SKOR2: variants seen among roughly 807,000 people sequenced by gnomAD.
SKOR2 encodes the protein LBX1 corepressor 1-like protein.
In SKOR2, 47 loss-of-function variants were observed where a neutral mutation model predicts 69.1. The ratio of observed to expected loss-of-function variants is 0.68; its 90% CI spans 0.54 to 0.87. SKOR2 has a LOEUF of 0.87. Among genes scored for constraint, SKOR2 ranks in the 40% least tolerant of loss-of-function variants. The probability of loss-of-function intolerance (pLI) is 0.00; values close to 1 mark genes in which losing one functional copy is unlikely to be tolerated. For missense variants in SKOR2, 1,404 were observed against 1,472.2 expected (o/e 0.95, Z 0.76); for synonymous variants, 717 against 672.6 (o/e 1.07, Z -1.02).
intron 6 of SKOR2, among the ~76,000 whole-genome samples, chr18:47,224,320 A>C (rs1038504695): frequency 3.3e-5 from 5 of 152,230 alleles, no homozygotes. Context: ...ATTTTTGGAA[A>C]ATGATAATAC....
rs1298036276 is a variant in SKOR2, at chr18:47,249,109, C to A, written c.75G>T (p.Thr25=). 1.3e-6 allele frequency: 2 copies of A among 1,536,022 alleles called. No homozygotes were observed. The highest frequency in any genetic ancestry group is 2.0e-5 in the Admixed American group (1 of 50,984). ...ASPSSAFQPD[T]LSQPRPGHAN... ...CGTGCCCTGGCCGCGGCTGGCTCAG[C>A]GTGTCGGGCTGGAAGGCGCTCGACG... The change falls in exon 2 of 9, where the codon ACG becomes ACT. Residue 25 remains threonine, a synonymous_variant. Coordinates refer to ENST00000425639, the MANE Select transcript of SKOR2 (RefSeq NM_001278063.4).
At chr18:47,242,997 G>A (rs1288260856) in intron 4 of SKOR2, among the ~76,000 whole-genome samples, 1 of 152,080 alleles carries the variant, frequency 6.6e-6, no homozygotes, top group Non-Finnish European at 1.5e-5. Context: ...TAGGCTTTAC[G>A]GGGGCTTGCT....
chr18:47,209,736 A>G (rs1330683093), intron 8 of SKOR2, among the ~76,000 whole-genome samples: 2 of 152,156 alleles, frequency 1.3e-5, no homozygotes, highest in African/African-American at 2.4e-5. Context: ...AGGTCTGACA[A>G]ACAGGGAAGA....
chr18:47,214,712 G>T (rs1305546822), intron 7 of SKOR2, among the ~76,000 whole-genome samples: 1 of 152,148 alleles, frequency 6.6e-6, no homozygotes, highest in Non-Finnish European at 1.5e-5. Flanking sequence ...AAATAGTGGT[G>T]CCTCTTACAA....
At chr18:47,234,874 A>AAAAAAAAAT (rs1378986554) in intron 4 of SKOR2, among the ~76,000 whole-genome samples, 1 of 147,910 alleles carries the variant, frequency 6.8e-6, no homozygotes, top group Non-Finnish European at 1.5e-5. Context: ...GAAAAAAAAA[A>AAAAAAAAAT]AGAGAGGGGG....
In SKOR2 at chr18:47,244,948, G is replaced by A. The variant is rs753507524; in HGVS notation, c.2712C>T (p.Asp904=). The A allele has an allele frequency of 1.3e-6, 2 of 1,535,790 alleles. No individual in the cohort carries two copies. The highest frequency in any genetic ancestry group is 1.7e-6 in the Non-Finnish European group (2 of 1,146,646). ...KNKEHSFFIT[D]SDASGGDFWR... The stretch of plus-strand genomic sequence containing the variant: ...AAAAATCTCCTCCAGAAGCATCAGA[G>A]TCTGTGATGAAAAAGCTATGCTCCT... The change falls in exon 4 of 9, where the codon GAC becomes GAT. Residue 904 remains aspartate (D), a synonymous_variant. Transcript: ENST00000425639.
Position 47,247,174 on chromosome 18 carries a change from C to A in SKOR2, c.2010G>T (p.Pro670=), listed in dbSNP as rs1330054023. ...GCAGCAGAAGCGGCGACGGCGGCTG[C>A]GGGGGGTGGTGGTGGTGGTGGTGGT... ...PHHHHHHHHP[P]QPPSPLLLLP... The change falls in exon 2 of 9, where the codon CCG becomes CCT. Residue 670 remains proline (P), a synonymous_variant. Transcript: ENST00000425639. This position sits in a 1 kb window ranked among gnomAD's most constrained non-coding sequence, Gnocchi z 6.6. The A allele has an allele frequency of 4.6e-5, 16 of 349,432 alleles. No individual in the cohort carries two copies. The South Asian group carries it at 5.6e-4, about 12-fold the overall frequency. 21.6% of individuals were successfully genotyped at this position (349,432 alleles called of 1,614,324 possible). A position where few individuals can be genotyped will look rare whatever the true frequency, so the allele number is the denominator to read the frequency against.
intron 7 of SKOR2, among the ~76,000 whole-genome samples, chr18:47,214,982 A>C (rs1329326853): frequency 8.0e-6 from 1 of 124,830 alleles, no homozygotes; most frequent in Non-Finnish European, 1.8e-5. Flanking sequence ...GTAGATCAAA[A>C]GTACTGGAGT....
intron 4 of SKOR2, among the ~76,000 whole-genome samples, chr18:47,240,879 C>A (rs2064245483): frequency 6.6e-6 from 1 of 152,124 alleles, no homozygotes; most frequent in African/African-American, 2.4e-5. Flanking sequence ...AAATTGCATA[C>A]CGACTTATCA....
intron 6 of SKOR2, among the ~76,000 whole-genome samples, chr18:47,228,578 A>G (rs2064186672): frequency 1.3e-5 from 2 of 152,232 alleles, no homozygotes; most frequent in African/African-American, 4.8e-5. Context: ...AGGGCATGTT[A>G]GGGATTCAAT....
chr18:47,221,746 G>C (rs1363695812), intron 6 of SKOR2, among the ~76,000 whole-genome samples: 2 of 152,234 alleles, frequency 1.3e-5, no homozygotes, highest in South Asian at 4.1e-4. Context: ...GCTATGATTA[G>C]TTGTTATCCA....
Position 47,247,852 on chromosome 18 carries a change from C to G in SKOR2, c.1332G>C (p.Ala444=). 1 of 1,359,170 alleles carries G rather than the reference C, an allele frequency of 7.4e-7. No homozygotes were observed. Among genetic ancestry groups the G allele is most frequent in the Admixed American group, 4.0e-5 (1 of 24,708 alleles). The allele number at this position is 1,359,170 out of a possible 1,614,324, so 84.2% of individuals were successfully genotyped here. ...GGCCGGACAAGCCGGCCTTGGGCGC[C>G]GCGCCCGCGCCGCCTGCGCCCGCGC... ...LGGAGAGGAG[A]APKAGLSGLF... The change falls in exon 2 of 9, where the codon GCG becomes GCC. Residue 444 remains alanine (A), a synonymous_variant. Coordinates refer to ENST00000425639, the MANE Select transcript of SKOR2 (RefSeq NM_001278063.4). The surrounding 1 kb of genome is among the most constrained non-coding windows in gnomAD (Gnocchi z 6.6).
chr18:47,221,299 G>A (rs986376946), intron 6 of SKOR2, among the ~76,000 whole-genome samples: 2 of 152,126 alleles, frequency 1.3e-5, no homozygotes, highest in Non-Finnish European at 2.9e-5. Context: ...GTAATAGAGG[G>A]AAGTATGTGG....
chr18:47,250,928 T>C (rs1225080327), intron 1 of SKOR2, among the ~76,000 whole-genome samples: 3 of 152,140 alleles, frequency 2.0e-5, no homozygotes, highest in Non-Finnish European at 4.4e-5. Context: ...AATAAGACCC[T>C]GGGATAATTC....
In SKOR2 at chr18:47,248,282, G is replaced by A. The variant is rs1276790876; in HGVS notation, c.902C>T (p.Ala301Val). Residue 301 changes from alanine to valine, a missense_variant, in exon 2 of 9, where the codon GCC becomes GTC. By Grantham distance (64) the Ala-to-Val change is moderately conservative (BLOSUM62 0). Transcript: ENST00000425639. The surrounding 1 kb of genome is among the most constrained non-coding windows in gnomAD (Gnocchi z 6.4). Reference protein sequence around the residue: ...PPPPLAELAGAPHAHHKRPRF... With the variant: ...PPPPLAELAGVPHAHHKRPRF... ...CGGCCGCTTGTGATGGGCGTGCGGGGCACCAGCCAGCTCTGCCAAGGGCGG... is the reference window on the plus strand; with the variant it reads ...CGGCCGCTTGTGATGGGCGTGCGGGACACCAGCCAGCTCTGCCAAGGGCGG... The A allele has an allele frequency of 1.2e-5, 14 of 1,214,666 alleles. No individual in the cohort carries two copies. Among genetic ancestry groups the A allele is most frequent in the Non-Finnish European group, 1.3e-5 (13 of 979,286 alleles). 75.2% of individuals were successfully genotyped at this position (1,214,666 alleles called of 1,614,324 possible).
At chr18:47,219,921 T>A in intron 7 of SKOR2, 22 bp downstream of exon 7, 2 of 1,531,104 alleles carry the variant, frequency 1.3e-6, no homozygotes, top group Non-Finnish European at 1.8e-6. Context: ...TGCATTTATT[T>A]TTAAGTAGAA....
intron 5 of SKOR2, 80 bp downstream of exon 5, chr18:47,230,855 G>C: frequency 1.4e-6 from 2 of 1,401,522 alleles, no homozygotes; most frequent in Non-Finnish European, 1.9e-6. Flanking sequence ...AAATATGGTG[G>C]AGAACAAAAA....
At chr18:47,214,374 G>A (rs1038719429) in intron 7 of SKOR2, among the ~76,000 whole-genome samples, 5 of 152,200 alleles carry the variant, frequency 3.3e-5, no homozygotes, top group Non-Finnish European at 7.4e-5. Flanking sequence ...TGAGTCCCAA[G>A]GGTCCAGATT....
chr18:47,248,330 G>T lies in SKOR2; in HGVS notation c.854C>A (p.Pro285His). ...CGGCGGTGGCGGCGGCGGCGGCGGG[G>T]GCGCACCCAGCAGGTGGGGGCCCAG... is the stretch of plus-strand genomic sequence containing the variant. The part of the protein sequence containing the change: ...GLLGPHLLGA[P>H]PPPPPPPPPL... Residue 285 changes from proline (P) to histidine (H), a missense_variant, in exon 2 of 9, where the codon CCC (proline) becomes CAC (histidine). Coordinates refer to ENST00000425639, the MANE Select transcript of SKOR2 (RefSeq NM_001278063.4). This position sits in a 1 kb window ranked among gnomAD's most constrained non-coding sequence, Gnocchi z 6.4. 8.3e-7 allele frequency: 1 copy of T among 1,202,198 alleles called. No individual in the cohort carries two copies. 74.5% of individuals were successfully genotyped at this position (1,202,198 alleles called of 1,614,324 possible).
Sources: gnomAD v4.1 joint callset for allele counts (sites outside exome capture counted in the v4.1 genomes callset) on GRCh38, gnomAD v4.1.1 for gene constraint, Gnocchi (gnomAD v3.1) non-coding constraint, MANE v1.5 for transcripts, NCBI Gene and HGNC (gene_info 2026-07-23, HGNC 2026-07-21) for gene names.